Variants in ZFAND3 observed in about 807,000 individuals in gnomAD.
ZFAND3 encodes the protein zinc finger AN1-type containing 3.
A neutral mutation model predicts 29.6 loss-of-function variants in ZFAND3; 10 were observed. The observed-to-expected ratio is 0.34, with a 90% CI of 0.21 to 0.57. The LOEUF (loss-of-function observed/expected upper bound fraction) is 0.57, where lower values mean the gene tolerates loss of function less well. ZFAND3 is among the 20% of genes least tolerant of loss of function. The pLI, the probability that ZFAND3 is intolerant of heterozygous loss-of-function variation, is 0.86. For synonymous variants in ZFAND3, 128 were observed against 112.6 expected, an observed-to-expected ratio of 1.14 and a Z score of -0.87; for missense variants, 230 against 304.5, an observed-to-expected ratio of 0.76 and a Z score of 1.82.
At chr6:38,039,658 A>G (rs999431881) in intron 2 of ZFAND3, among the ~76,000 whole-genome samples, 2 of 152,132 alleles carry the variant, frequency 1.3e-5, no homozygotes, top group African/African-American at 2.4e-5. Flanking sequence ...AAAAATCAGT[A>G]CTCTGTAGTG....
At chr6:38,124,429 G>T (rs1459828700) in intron 5 of ZFAND3, among the ~76,000 whole-genome samples, 1 of 152,230 alleles carries the variant, frequency 6.6e-6, no homozygotes, top group Non-Finnish European at 1.5e-5. Flanking sequence ...ACAGCGGGGG[G>T]CCAGGCGGGG....
chr6:38,042,313 C>CTTTTTTT (rs35136153), intron 2 of ZFAND3, among the ~76,000 whole-genome samples: 1 of 91,918 alleles, frequency 1.1e-5, no homozygotes, highest in African/African-American at 3.8e-5. Flanking sequence ...CTTGAGCTTG[C>CTTTTTTT]TTTTTTTTTT....
At chr6:37,911,056 C>A (rs149191128) in intron 1 of ZFAND3, among the ~76,000 whole-genome samples, 2 of 152,082 alleles carry the variant, frequency 1.3e-5, no homozygotes, top group African/African-American at 2.4e-5. Context: ...TGGATATATA[C>A]GCAGAAGTGG....
intron 1 of ZFAND3, among the ~76,000 whole-genome samples, chr6:37,908,154 A>G (rs1012000453): frequency 1.4e-4 from 21 of 152,102 alleles, no homozygotes; most frequent in African/African-American, 5.1e-4. Context: ...TTGTCCTGTC[A>G]GTGAGGTTTG....
chr6:38,008,270 A>G (rs1009886677), intron 2 of ZFAND3, among the ~76,000 whole-genome samples: 4 of 152,218 alleles, frequency 2.6e-5, no homozygotes, highest in African/African-American at 9.6e-5. Context: ...ATTAATGATA[A>G]TATAGCTTAT....
At chr6:37,853,531 A>G (rs1020393373) in intron 1 of ZFAND3, among the ~76,000 whole-genome samples, 3 of 151,930 alleles carry the variant, frequency 2.0e-5, no homozygotes, top group African/African-American at 7.3e-5. Flanking sequence ...TACTATAAAT[A>G]TTTTTGGGGG....
At chr6:38,040,339 A>G (rs1317778828) in intron 2 of ZFAND3, among the ~76,000 whole-genome samples, 1 of 152,136 alleles carries the variant, frequency 6.6e-6, no homozygotes, top group African/African-American at 2.4e-5. Context: ...ACAGCTCAGT[A>G]TTTTTCTTTC....
At chr6:37,820,265 C>T (rs1235106195) in intron 1 of ZFAND3, among the ~76,000 whole-genome samples, 4 of 150,932 alleles carry the variant, frequency 2.7e-5, no homozygotes, top group South Asian at 2.1e-4. Context: ...CTCGGGCCCA[C>T]GGGGGCCTCC....
chr6:38,110,584 T>C (rs368534521), intron 4 of ZFAND3, among the ~76,000 whole-genome samples: 4 of 152,330 alleles, frequency 2.6e-5, no homozygotes, highest in Non-Finnish European at 5.9e-5. Context: ...TCGTTAATTA[T>C]TGCTCTTACT....
At position 38,041,774 on chromosome 6, in the gene ZFAND3, CCTCCTCCTCTT is replaced by C. The variant is rs1247922619; in HGVS notation, c.113-19816_113-19806del. Among the ~76,000 whole-genome samples the C allele has an allele frequency of 1.1e-3, 3 of 2,758 alleles. 1 individual carries two copies. The highest frequency in any genetic ancestry group is 3.4e-3 in the Non-Finnish European group (1 of 290). The allele number at this position is 2,758 out of a possible 152,430, so 1.8% of individuals were successfully genotyped here. On this transcript the variant is annotated intron_variant, in intron 2 of 5. Transcript: ENST00000287218. ...TCCTCCTCCTCCTCCTCCTCCTCCTCCTCCTCCTCTTCTTTCTTCTTCTTCTCCTCTTCTTT... is the reference window on the plus strand; with the variant it reads ...TCCTCCTCCTCCTCCTCCTCCTCCTCCTTTCTTCTTCTTCTCCTCTTCTTT...
chr6:38,148,704 A>T (rs1766158757), intron 5 of ZFAND3, among the ~76,000 whole-genome samples: 1 of 152,114 alleles, frequency 6.6e-6, no homozygotes, highest in Non-Finnish European at 1.5e-5. Flanking sequence ...GAGGATAAAG[A>T]TTCATCCCAT....
intron 1 of ZFAND3, among the ~76,000 whole-genome samples, chr6:37,855,678 TG>T (rs1016929534): frequency 6.6e-6 from 1 of 152,114 alleles, no homozygotes; most frequent in Admixed American, 6.5e-5. Context: ...CTTTTCTTTT[TG>T]GGGGGCAGGT....
chr6:38,042,147 T>C (rs1181088001), intron 2 of ZFAND3, among the ~76,000 whole-genome samples: 1 of 151,544 alleles, frequency 6.6e-6, no homozygotes, highest in African/African-American at 2.4e-5. Flanking sequence ...ATATATCTTT[T>C]GTACTTGTTT....
At chr6:38,010,617 C>G (rs1160270424) in intron 2 of ZFAND3, among the ~76,000 whole-genome samples, 1 of 145,738 alleles carries the variant, frequency 6.9e-6, no homozygotes, top group Non-Finnish European at 1.5e-5. Context: ...TTTTTTTTTC[C>G]GAGACAGGAT....
At chr6:37,999,987 TA>T (rs1160669173) in intron 2 of ZFAND3, among the ~76,000 whole-genome samples, 1 of 152,036 alleles carries the variant, frequency 6.6e-6, no homozygotes, top group Non-Finnish European at 1.5e-5. Context: ...AAACTATTAC[TA>T]AAAAATAAAG....
intron 2 of ZFAND3, among the ~76,000 whole-genome samples, chr6:37,994,613 T>C (rs888138362): frequency 6.6e-6 from 1 of 152,210 alleles, no homozygotes; most frequent in Non-Finnish European, 1.5e-5. Flanking sequence ...ATTTATCAAA[T>C]ACAGTGTAGA....
chr6:37,832,530 AT>A (rs979174188), intron 1 of ZFAND3, among the ~76,000 whole-genome samples: 1 of 152,232 alleles, frequency 6.6e-6, no homozygotes, highest in Non-Finnish European at 1.5e-5. Flanking sequence ...AGTTGAAGTG[AT>A]TCAGTGAATT....
intron 2 of ZFAND3, among the ~76,000 whole-genome samples, chr6:38,041,650 T>TTCTTCC (rs1554169135): frequency 1.4e-4 from 3 of 21,372 alleles, no homozygotes; most frequent in Non-Finnish European, 2.5e-4. Flanking sequence ...CTTCTTCTTC[T>TTCTTCC]TCTTCTTCTT....
At chr6:38,064,511 A>G (rs1581887057) in intron 3 of ZFAND3, among the ~76,000 whole-genome samples, 1 of 152,314 alleles carries the variant, frequency 6.6e-6, no homozygotes, top group East Asian at 1.9e-4. Context: ...CATACTTTTA[A>G]TCAGTTAATT....
Sources: gnomAD v4.1 joint callset for allele counts (sites outside exome capture counted in the v4.1 genomes callset) on GRCh38, gnomAD v4.1.1 for gene constraint, MANE v1.5 for transcripts, NCBI Gene and HGNC (gene_info 2026-07-23, HGNC 2026-07-21) for gene names.